The following DCLRE1C variants were observed in gnomAD, a reference collection of about 807,000 sequenced individuals.
The protein encoded by DCLRE1C is DNA cross-link repair 1C.
A neutral mutation model predicts 61.4 loss-of-function variants in DCLRE1C; 47 were observed. That is an observed-to-expected ratio of 0.77 (90% CI 0.61 to 0.98). The LOEUF (loss-of-function observed/expected upper bound fraction) is 0.98, where lower values mean the gene tolerates loss of function less well. Among genes scored for constraint, DCLRE1C ranks in the 50% least tolerant of loss-of-function variants. DCLRE1C has a pLI of 0.00. For synonymous variants in DCLRE1C, 337 were observed against 287.6 expected (o/e 1.17, Z -1.74); for missense variants, 858 against 816.0 (o/e 1.05, Z -0.63).
chr10:14,928,284 C>T (rs1589020945), intron 9 of DCLRE1C, 132 bp from the exon 10 acceptor site: 1 of 769,754 alleles, frequency 1.3e-6, no homozygotes, highest in East Asian at 2.8e-5. Context: ...AGCAGCAAAA[C>T]AATGTAGACA....
chr10:14,944,147 A>G (rs909500626), intron 3 of DCLRE1C, among the ~76,000 whole-genome samples: 1 of 152,136 alleles, frequency 6.6e-6, no homozygotes, highest in Admixed American at 6.6e-5. Flanking sequence ...GGATTTAGCA[A>G]TTATGTTAAT....
chr10:14,899,348 TATCA>T, intron 13 of DCLRE1C: 1 of 696,972 alleles, frequency 1.4e-6, no homozygotes, highest in Non-Finnish European at 2.5e-6. Flanking sequence ...TCTTTTGCAT[TATCA>T]TTTTTCTTCC....
rs538621799 is a variant in DCLRE1C, at chr10:14,905,755, C to T, written c.*2653G>A. ...ATCCCAGCACTTTGGGAGGCCGAGG[C>T]GAGTGGATCACCAGAGGTCAGGAGT... On this transcript the variant is annotated 3_prime_UTR_variant, in exon 14 of 14. Coordinates refer to ENST00000378278, the MANE Select transcript of DCLRE1C (RefSeq NM_001033855.3). Among the ~76,000 whole-genome samples the T allele has an allele frequency of 1.1e-4, 16 of 152,214 alleles. No individual in the cohort carries two copies. The highest frequency in any genetic ancestry group is 3.6e-4 in the African/African-American group (15 of 41,556).
intron 3 of DCLRE1C, among the ~76,000 whole-genome samples, chr10:14,941,802 T>G (rs1840905414): frequency 6.6e-6 from 1 of 152,058 alleles, no homozygotes; most frequent in African/African-American, 2.4e-5. Context: ...TTTTCTTCCT[T>G]GGGTTTAAAG....
rs1356188407 is a variant in DCLRE1C at position 14,932,898 on chromosome 10, T to A, written c.736A>T (p.Thr246Ser). 1 of 1,614,112 alleles carries A rather than the reference T, an allele frequency of 6.2e-7. No homozygotes were observed. Among genetic ancestry groups the A allele is most frequent in the African/African-American group, 1.3e-5 (1 of 74,944 alleles). Residue 246 changes from threonine to serine, a missense_variant, in exon 9 of 14, where the codon ACA (threonine) becomes TCA (serine). Thr to Ser is a moderately conservative substitution (Grantham distance 58, BLOSUM62 1). This residue lies in a region of DCLRE1C where 843 missense variants were observed against 783.5 expected (regional missense o/e 1.08). Transcript: ENST00000378278. ...RNMPEILHHL[T>S]TDRNTQIHAC... ...TGGATCTGAGTGTTGCGGTCTGTTG[T>A]GAGATGATGAAGGATCTCAGGCATG...
chr10:14,915,397 C>G (rs931111993), intron 13 of DCLRE1C, among the ~76,000 whole-genome samples: 1 of 151,724 alleles, frequency 6.6e-6, no homozygotes, highest in Non-Finnish European at 1.5e-5. Context: ...AAACCTCTAG[C>G]TAGACTAATC....
At chr10:14,914,352 A>G (rs756643392) in intron 13 of DCLRE1C, among the ~76,000 whole-genome samples, 8 of 152,220 alleles carry the variant, frequency 5.3e-5, no homozygotes. Context: ...GTGTATACCT[A>G]TTAATAGTGC....
chr10:14,941,056 G>A (rs1282100871), intron 3 of DCLRE1C, among the ~76,000 whole-genome samples: 1 of 152,028 alleles, frequency 6.6e-6, no homozygotes, highest in African/African-American at 2.4e-5. Context: ...CTAATGTTTT[G>A]TAGCAGAGAT....
intron 11 of DCLRE1C, 146 bp downstream of exon 11, chr10:14,926,697 G>T: frequency 2.7e-5 from 16 of 597,464 alleles, no homozygotes; most frequent in Non-Finnish European, 3.6e-5. Flanking sequence ...TAATGAGGAT[G>T]AACTGCATTT....
At chr10:14,915,677 C>T (rs1836065181) in intron 13 of DCLRE1C, among the ~76,000 whole-genome samples, 1 of 151,614 alleles carries the variant, frequency 6.6e-6, no homozygotes, top group Non-Finnish European at 1.5e-5. Context: ...AACTCCTTTC[C>T]CACCCAGATG....
chr10:14,930,321 C>T (rs1290416931), intron 9 of DCLRE1C, among the ~76,000 whole-genome samples: 2 of 123,780 alleles, frequency 1.6e-5, no homozygotes, highest in Admixed American at 1.0e-4. Context: ...TTTGTAGTGA[C>T]GGGGTTTCAC....
At chr10:14,942,953 CATCTCT>C in intron 3 of DCLRE1C, among the ~76,000 whole-genome samples, 1 of 152,122 alleles carries the variant, frequency 6.6e-6, no homozygotes, top group Non-Finnish European at 1.5e-5. Flanking sequence ...GGCAAAACCC[CATCTCT>C]ACTAAAAAAT....
At chr10:14,954,368 A>T, upstream of DCLRE1C, 1 of 380,950 alleles carries the variant, frequency 2.6e-6, no homozygotes, top group South Asian at 2.4e-5. Flanking sequence ...CTCCCAGAGC[A>T]GGTGGCCCCA....
intron 13 of DCLRE1C, among the ~76,000 whole-genome samples, chr10:14,910,546 G>A (rs776865382): frequency 1.8e-4 from 27 of 151,854 alleles, no homozygotes; most frequent in Non-Finnish European, 3.5e-4. Context: ...CCACCCCCTC[G>A]GCCTCCCAAA....
chr10:14,948,210 C>G (rs900839454), intron 2 of DCLRE1C, among the ~76,000 whole-genome samples: 1 of 110,228 alleles, frequency 9.1e-6, no homozygotes, highest in Non-Finnish European at 2.0e-5. Flanking sequence ...CCCGTCTCTA[C>G]AAAAAAAAAA....
downstream of DCLRE1C, chr10:14,903,059 T>C (rs1353809164): frequency 6.6e-6 from 1 of 152,266 alleles, no homozygotes; most frequent in Non-Finnish European, 1.5e-5. Context: ...GATAAAGAAA[T>C]TTAAGGTATA....
chr10:14,953,727 G>A (rs564288570), intron 1 of DCLRE1C, among the ~76,000 whole-genome samples, 175 bp downstream of exon 1: 1 of 152,278 alleles, frequency 6.6e-6, no homozygotes, highest in Non-Finnish European at 1.5e-5. Flanking sequence ...GACCACATCC[G>A]AAAATAGATG....
intron 4 of DCLRE1C, among the ~76,000 whole-genome samples, chr10:14,939,537 A>C (rs10796227): frequency 0.27 from 40,374 of 151,110 alleles, 5,903 homozygotes; most frequent in African/African-American, 0.42. Flanking sequence ...ACCCTAAGCA[A>C]CAAGTGTCTA....
Position 14,908,858 on chromosome 10 carries a change from T to C in DCLRE1C, c.1629A>G (p.Ile543Met). ...CCCAGCCTTGACTTCCTTGTTCTGT[T>C]ATGTGTGTTGACTGGGAAGAATTCT... ...SSQNSSQSTHITEQGSQGWDS... is the reference protein window; with the variant it reads ...SSQNSSQSTHMTEQGSQGWDS... The change falls in exon 14 of 14, where the codon ATA (isoleucine) becomes ATG (methionine). Residue 543 changes from isoleucine (I) to methionine (M), a missense_variant. This residue lies in a region of DCLRE1C where 843 missense variants were observed against 783.5 expected (regional missense o/e 1.08). Transcript: ENST00000378278. 3 of 1,614,222 alleles carry C rather than the reference T, an allele frequency of 1.9e-6. No homozygotes were observed. The highest frequency in any genetic ancestry group is 2.5e-6 in the Non-Finnish European group (3 of 1,180,036).
Sources: gnomAD v4.1 joint callset for allele counts (sites outside exome capture counted in the v4.1 genomes callset) on GRCh38, gnomAD v4.1.1 for gene constraint, gnomAD v4.1.1 regional missense constraint, MANE v1.5 for transcripts, NCBI Gene and HGNC (gene_info 2026-07-23, HGNC 2026-07-21) for gene names.